The following ARHGEF3 variants were observed in gnomAD, a reference collection of about 807,000 sequenced individuals.
The protein encoded by ARHGEF3 is 59.8 kDA protein.
In ARHGEF3, 28 loss-of-function variants were observed where a neutral mutation model predicts 63.2. That is an observed-to-expected ratio of 0.44 (90% CI 0.33 to 0.61). The LOEUF is 0.61. Among genes scored for constraint, ARHGEF3 ranks in the 20% least tolerant of loss-of-function variants. The pLI, the probability that ARHGEF3 is intolerant of heterozygous loss-of-function variation, is 0.03. For missense variants in ARHGEF3, 533 were observed against 659.3 expected, an observed-to-expected ratio of 0.81 and a Z score of 2.10; for synonymous variants, 266 against 254.2, an observed-to-expected ratio of 1.05 and a Z score of -0.44.
At chr3:57,063,284 GCAGC>G (rs4060554) in intron 1 of ARHGEF3, among the ~76,000 whole-genome samples, 41,942 of 151,894 alleles carry the variant, frequency 0.28, 6,649 homozygotes, top group East Asian at 0.46. Flanking sequence ...ATGGGGCCTT[GCAGC>G]CAGCCACCCT....
chr3:56,958,881 C>T (rs1338409247), exon 3 of ARHGEF3: 3 of 1,551,140 alleles, frequency 1.9e-6, no homozygotes, highest in South Asian at 2.4e-5. Context: ...TTGCCGCTGC[C>T]GTTTAGGCCT....
intron 2 of ARHGEF3, among the ~76,000 whole-genome samples, chr3:57,015,010 C>CTTT (rs35395324): frequency 1.4e-5 from 2 of 142,652 alleles, no homozygotes; most frequent in African/African-American, 5.2e-5. Context: ...TTTTCATGTA[C>CTTT]TTTTTTTTTT....
At chr3:56,933,000 C>G (rs191080987) in intron 3 of ARHGEF3, among the ~76,000 whole-genome samples, 87 of 152,266 alleles carry the variant, frequency 5.7e-4, no homozygotes, top group African/African-American at 2.0e-3. Context: ...TCTCATTGGG[C>G]AACTAAGGTG....
intron 2 of ARHGEF3, among the ~76,000 whole-genome samples, chr3:56,973,857 T>C (rs1040882435): frequency 2.0e-5 from 3 of 152,142 alleles, no homozygotes; most frequent in Non-Finnish European, 4.4e-5. Flanking sequence ...TATTGGTCAG[T>C]CCACCGAAGT....
intron 3 of ARHGEF3, 34 bp from the exon 4 acceptor site, chr3:56,753,600 T>C: frequency 6.3e-7 from 1 of 1,590,882 alleles, no homozygotes; most frequent in Non-Finnish European, 8.6e-7. Flanking sequence ...CACTGAATTC[T>C]CCCTTCATTT....
At position 56,752,702 on chromosome 3, in the gene ARHGEF3, T is replaced by C. The variant is rs573565336; in HGVS notation, c.438+802A>G. ...AGGAAAGGGGAGTTAGACACCAGCA[T>C]GATAACTCTCAGAGTGAAATAACTT... On this transcript the variant is annotated intron_variant, in intron 4 of 9. Transcript: ENST00000296315. Among the ~76,000 whole-genome samples the C allele has an allele frequency of 6.7e-4, 102 of 152,348 alleles. 1 individual carries two copies. In the South Asian group the frequency reaches 0.02, roughly 30 times the overall value.
chr3:57,060,654 T>G (rs1705171440), intron 1 of ARHGEF3: 1 of 152,286 alleles, frequency 6.6e-6, no homozygotes. Flanking sequence ...GGGTCCTGAC[T>G]GCCCTGCCCA....
intron 1 of ARHGEF3, among the ~76,000 whole-genome samples, chr3:56,795,105 T>C (rs2037284166): frequency 6.6e-6 from 1 of 151,742 alleles, no homozygotes; most frequent in African/African-American, 2.4e-5. Flanking sequence ...GCTCAAGCAA[T>C]CCTGCTGCCT....
chr3:56,845,215 C>T lies in ARHGEF3; in HGVS notation c.192+37077G>A, dbSNP rs146981856. 2.1e-4 allele frequency among the ~76,000 whole-genome samples: 32 copies of T among 152,354 alleles called. No homozygotes were observed. In the East Asian group the frequency reaches 3.5e-3, roughly 17 times the overall value. The stretch of plus-strand genomic sequence containing the variant: ...CAGATGAGACCATAACCCTGGCCAA[C>T]GCCTTGATTGCAGCCTTGTCAGACC... On this transcript the variant is annotated intron_variant, in intron 4 of 12. Transcript: ENST00000338458.
chr3:56,947,920 C>G (rs566454370), intron 3 of ARHGEF3, among the ~76,000 whole-genome samples: 149 of 152,294 alleles, frequency 9.8e-4, no homozygotes, highest in African/African-American at 2.9e-3. Context: ...GAAGTTATAA[C>G]AAACTGTCTC....
chr3:56,953,477 A>C (rs1233486564), intron 3 of ARHGEF3, among the ~76,000 whole-genome samples: 6 of 152,200 alleles, frequency 3.9e-5, no homozygotes, highest in African/African-American at 1.4e-4. Flanking sequence ...TCCAGGAAAC[A>C]GAGTCCCTTT....
At chr3:57,074,243 C>T in intron 1 of ARHGEF3, 1 of 1,612,462 alleles carries the variant, frequency 6.2e-7, no homozygotes, top group Non-Finnish European at 8.5e-7. Context: ...TATACTCCAA[C>T]ACACACATAC....
intron 3 of ARHGEF3, among the ~76,000 whole-genome samples, chr3:56,910,520 A>G (rs896850373): frequency 1.4e-4 from 22 of 152,198 alleles, no homozygotes; most frequent in African/African-American, 5.3e-4. Context: ...ATAGACCTGT[A>G]TATATTTATT....
intron 1 of ARHGEF3, among the ~76,000 whole-genome samples, chr3:56,799,829 T>A (rs79134356): frequency 6.6e-6 from 1 of 152,172 alleles, no homozygotes; most frequent in African/African-American, 2.4e-5. Flanking sequence ...TCAAAGTGTA[T>A]AAAGCATACT....
chr3:56,988,059 C>A (rs1012382759), intron 2 of ARHGEF3, among the ~76,000 whole-genome samples: 1 of 152,164 alleles, frequency 6.6e-6, no homozygotes. Flanking sequence ...AGTACCTGAC[C>A]CTCACAAAAC....
At chr3:57,012,219 T>C (rs1484251992) in intron 2 of ARHGEF3, among the ~76,000 whole-genome samples, 3 of 152,150 alleles carry the variant, frequency 2.0e-5, no homozygotes, top group Non-Finnish European at 4.4e-5. Flanking sequence ...AGCACTTAAA[T>C]CTGTACCTGG....
intron 1 of ARHGEF3, among the ~76,000 whole-genome samples, chr3:57,042,692 A>ATTT (rs1447905041): frequency 4.2e-4 from 10 of 23,966 alleles, no homozygotes; most frequent in Non-Finnish European, 7.2e-4. Context: ...ATATATATAT[A>ATTT]TATATATATT....
intron 3 of ARHGEF3, among the ~76,000 whole-genome samples, chr3:56,952,875 T>G (rs1003567376): frequency 6.6e-6 from 1 of 152,234 alleles, no homozygotes; most frequent in African/African-American, 2.4e-5. Flanking sequence ...AAAAAGTTCT[T>G]CACGTCTAAC....
In ARHGEF3 at chr3:56,882,397, G is replaced by T. The variant is rs776499036; in HGVS notation, c.130-43C>A. The T allele has an allele frequency of 5.3e-6, 8 of 1,522,268 alleles. No individual in the cohort carries two copies. The Middle Eastern group carries it at 6.7e-4, about 128-fold the overall frequency. 94.3% of individuals were successfully genotyped at this position (1,522,268 alleles called of 1,614,324 possible). A position where few individuals can be genotyped will look rare whatever the true frequency, so the allele number is the denominator to read the frequency against. On this transcript the variant is annotated intron_variant, in intron 3 of 12. Coordinates refer to the ARHGEF3 transcript ENST00000338458. The stretch of plus-strand genomic sequence containing the variant: ...AAACAAAGTTCAAAGGTAAGTAGGG[G>T]TTATGGCTTTGATTAAGGCAAGAAA...
Sources: allele counts gnomAD v4.1 joint callset (sites outside exome capture counted in the v4.1 genomes callset), GRCh38; gene constraint gnomAD v4.1.1; transcripts MANE v1.5; gene names NCBI Gene and HGNC (gene_info 2026-07-23, HGNC 2026-07-21).